The following ATP8B1 variants were observed in gnomAD, a reference collection of about 807,000 sequenced individuals.
The protein encoded by ATP8B1 is ATPase phospholipid transporting 8B1.
A neutral mutation model predicts 149.9 loss-of-function variants in ATP8B1; 80 were observed. The observed-to-expected ratio is 0.53, with a 90% CI of 0.45 to 0.64. The LOEUF (loss-of-function observed/expected upper bound fraction) is 0.64, where lower values mean the gene tolerates loss of function less well. ATP8B1 is among the 30% of genes least tolerant of loss of function. The probability of loss-of-function intolerance (pLI) is 0.00; values close to 1 mark genes in which losing one functional copy is unlikely to be tolerated. For missense variants in ATP8B1, 1,247 were observed against 1,552.6 expected (o/e 0.80, Z 3.31); for synonymous variants, 536 against 562.8 (o/e 0.95, Z 0.67).
At chr18:57,689,600 G>C (rs1266943999) in intron 12 of ATP8B1, among the ~76,000 whole-genome samples, 1 of 152,148 alleles carries the variant, frequency 6.6e-6, no homozygotes, top group Non-Finnish European at 1.5e-5. Context: ...ACCATTCTAG[G>C]TGCAGGGGAC....
intron 1 of ATP8B1, among the ~76,000 whole-genome samples, chr18:57,739,862 A>G (rs149574230): frequency 1.3e-5 from 2 of 152,180 alleles, no homozygotes; most frequent in Admixed American, 1.3e-4. Context: ...GAAGATATCA[A>G]AGGTGAGGAC....
chr18:57,780,654 T>C (rs73446930), intron 1 of ATP8B1, among the ~76,000 whole-genome samples: 4,448 of 152,302 alleles, frequency 0.029, 230 homozygotes, highest in African/African-American at 0.1. Flanking sequence ...AGAAATACAC[T>C]TGTTCAATCA....
intron 12 of ATP8B1, among the ~76,000 whole-genome samples, chr18:57,689,451 T>C (rs932892882): frequency 5.9e-5 from 9 of 152,184 alleles, no homozygotes; most frequent in Non-Finnish European, 1.0e-4. Context: ...ATCTCAGTTA[T>C]AAGGAAGCTG....
Position 57,652,802 on chromosome 18 carries a change from T to G in ATP8B1, c.3016-73A>C, listed in dbSNP as rs1306215453. On this transcript the variant is annotated intron_variant, in intron 24 of 27. Coordinates refer to ENST00000648908, the MANE Select transcript of ATP8B1 (RefSeq NM_001374385.1). ...AGTCAGAGATATGTTATAATTAATATCTCACAAAAAGTTGCAGCCTGCTGT... is the reference window on the plus strand; with the variant it reads ...AGTCAGAGATATGTTATAATTAATAGCTCACAAAAAGTTGCAGCCTGCTGT... 6.9e-6 allele frequency: 11 copies of G among 1,600,682 alleles called. No individual in the cohort carries two copies. The East Asian group carries it at 2.5e-4, about 36-fold the overall frequency.
rs116872525 is a variant in ATP8B1 at position 57,781,600 on chromosome 18, T to G, written c.-26+21398A>C. Among the ~76,000 whole-genome samples, 182 of 152,338 alleles carry G rather than the reference T, an allele frequency of 1.2e-3. 1 individual carries two copies. Among genetic ancestry groups the G allele is most frequent in the South Asian group, 2.1e-3 (10 of 4,832 alleles). On this transcript the variant is annotated intron_variant, in intron 1 of 27. Transcript: ENST00000648908. ...AATTGATCAGTTATTGAATGCCTACTAGGTTGTGGACTCCAGGGATGAAGA... is the reference window on the plus strand; with the variant it reads ...AATTGATCAGTTATTGAATGCCTACGAGGTTGTGGACTCCAGGGATGAAGA...
Position 57,706,549 on chromosome 18 carries a change from G to T in ATP8B1, c.220C>A (p.His74Asn). 7 of 1,614,018 alleles carry T rather than the reference G, an allele frequency of 4.3e-6. No individual in the cohort carries two copies. Among genetic ancestry groups the T allele is most frequent in the Non-Finnish European group, 5.9e-6 (7 of 1,179,980 alleles). ...GTGTTCATAAAGTGAGGTTGTTCGT[G>T]GTACTTGCGATCGTTTGCTTTGACT... Reference protein sequence around the residue: ...WQVKANDRKYHEQPHFMNTKF... With the variant: ...WQVKANDRKYNEQPHFMNTKF... The change falls in exon 3 of 28, where the codon CAC becomes AAC. Residue 74 changes from histidine to asparagine, a missense_variant. By Grantham distance (68) the His-to-Asn change is moderately conservative (BLOSUM62 1). This residue lies in a region of ATP8B1 where 853 missense variants were observed against 1,035.7 expected (regional missense o/e 0.82). Coordinates refer to ENST00000648908, the MANE Select transcript of ATP8B1 (RefSeq NM_001374385.1).
At position 57,648,414 on chromosome 18, in the gene ATP8B1, A is replaced by C; in HGVS notation, c.*74T>G. 6.6e-7 allele frequency: 1 copy of C among 1,507,696 alleles called. No individual in the cohort carries two copies. Among genetic ancestry groups the C allele is most frequent in the Non-Finnish European group, 9.2e-7 (1 of 1,087,262 alleles). 93.4% of individuals were successfully genotyped at this position (1,507,696 alleles called of 1,614,324 possible). A position where few individuals can be genotyped will look rare whatever the true frequency, so the allele number is the denominator to read the frequency against. On this transcript the variant is annotated 3_prime_UTR_variant, in exon 28 of 28. Transcript: ENST00000648908. ...TGTGATGAATGCAATTCACACACACACACAAAGTCCTGAGAGTCTTTCATA... is the reference window on the plus strand; with the variant it reads ...TGTGATGAATGCAATTCACACACACCCACAAAGTCCTGAGAGTCTTTCATA...
Position 57,732,179 on chromosome 18 carries a change from G to GTGTATATA in ATP8B1, c.-25-355_-25-348dup, listed in dbSNP as rs1568044064. Among the ~76,000 whole-genome samples, 80 of 44,832 alleles carry GTGTATATA rather than the reference G, an allele frequency of 1.8e-3. 16 individuals are homozygous for GTGTATATA. Among genetic ancestry groups the GTGTATATA allele is most frequent in the African/African-American group, 4.3e-3 (54 of 12,580 alleles). The allele number at this position is 44,832 out of a possible 152,430, so 29.4% of individuals were successfully genotyped here. A position where few individuals can be genotyped will look rare whatever the true frequency, so the allele number is the denominator to read the frequency against. ...TATATATATGTATATATGTATATAT[G>GTGTATATA]TGTATATATGTATATATGTGTATAT... is the stretch of plus-strand genomic sequence containing the variant. On this transcript the variant is annotated intron_variant, in intron 1 of 27. Coordinates refer to ENST00000648908, the MANE Select transcript of ATP8B1 (RefSeq NM_001374385.1).
Position 57,652,665 on chromosome 18 carries a change from A to G in ATP8B1, c.3080T>C (p.Leu1027Pro). Reference sequence around the variant, plus strand: ...TACAAAGAATCTCTTATAGTTGAATAGTAAGTCTCTTTGTCCCACTATGTA... The same window carrying G: ...TACAAAGAATCTCTTATAGTTGAATGGTAAGTCTCTTTGTCCCACTATGTA... ...GLYIVGQRDL[L>P]FNYKRFFVSL... is the part of the protein sequence containing the mutation. Residue 1027 changes from leucine (L) to proline (P), a missense_variant, in exon 25 of 28, where the codon CTA becomes CCA. By Grantham distance (98) the Leu-to-Pro change is moderately conservative. Transcript: ENST00000648908. 6.2e-7 allele frequency: 1 copy of G among 1,614,160 alleles called. No individual in the cohort carries two copies. The highest frequency in any genetic ancestry group is 8.5e-7 in the Non-Finnish European group (1 of 1,179,984).
chr18:57,676,982 G>T (rs1384063006), intron 15 of ATP8B1, among the ~76,000 whole-genome samples: 1 of 152,118 alleles, frequency 6.6e-6, no homozygotes, highest in Admixed American at 6.6e-5. Flanking sequence ...CTGCACTCCA[G>T]CCTGGCTGAC....
At chr18:57,733,929 G>A (rs1255156628) in intron 1 of ATP8B1, 3 of 151,918 alleles carry the variant, frequency 2.0e-5, no homozygotes, top group African/African-American at 7.3e-5. Context: ...TTTATATGAG[G>A]ATTTTTACCA....
At chr18:57,720,910 C>T (rs973894611) in intron 2 of ATP8B1, among the ~76,000 whole-genome samples, 2 of 150,696 alleles carry the variant, frequency 1.3e-5, no homozygotes, top group Non-Finnish European at 3.0e-5. Flanking sequence ...GGCAGAAACC[C>T]TACAAGCCAG....
chr18:57,660,305 G>T (rs1397021508), intron 22 of ATP8B1, among the ~76,000 whole-genome samples: 1 of 152,144 alleles, frequency 6.6e-6, no homozygotes, highest in Non-Finnish European at 1.5e-5. Context: ...GGAGGATGAT[G>T]AGAGCACGTG....
intron 1 of ATP8B1, among the ~76,000 whole-genome samples, chr18:57,754,647 A>C (rs1407200856): frequency 6.6e-6 from 1 of 152,158 alleles, no homozygotes; most frequent in East Asian, 1.9e-4. Context: ...GAGATAATTA[A>C]ATACTAGGAG....
At chr18:57,701,420 TCA>T in intron 4 of ATP8B1, 107 bp from the exon 5 acceptor site, 1 of 953,290 alleles carries the variant, frequency 1.0e-6, no homozygotes, top group East Asian at 2.5e-5. Flanking sequence ...ATCACCGTCA[TCA>T]CATAAGTCTA....
intron 2 of ATP8B1, among the ~76,000 whole-genome samples, chr18:57,720,009 A>G: frequency 6.6e-6 from 1 of 152,020 alleles, no homozygotes; most frequent in Admixed American, 6.6e-5. Context: ...ACGGCAGGGT[A>G]TTCCAACAGA....
chr18:57,778,319 A>G (rs897214638), intron 1 of ATP8B1, among the ~76,000 whole-genome samples: 2 of 144,838 alleles, frequency 1.4e-5, no homozygotes, highest in Non-Finnish European at 3.0e-5. Context: ...TCCGCCTTCC[A>G]GGTTCACGCC....
Position 57,701,276 on chromosome 18 carries a change from G to T in ATP8B1, c.431C>A (p.Thr144Lys). Reference sequence around the variant, plus strand: ...CAGCACCACAAGCAGGGGCACTAGTGTGGTGTACCAAGCCAGGGTAGAGAT... The same window carrying T: ...CAGCACCACAAGCAGGGGCACTAGTTTGGTGTACCAAGCCAGGGTAGAGAT... ...PQISTLAWYT[T>K]LVPLLVVLGV... Residue 144 changes from threonine (T) to lysine (K), a missense_variant, in exon 5 of 28, where the codon ACA becomes AAA. Coordinates refer to ENST00000648908, the MANE Select transcript of ATP8B1 (RefSeq NM_001374385.1). 6.2e-7 allele frequency: 1 copy of T among 1,614,176 alleles called. No individual in the cohort carries two copies. The highest frequency in any genetic ancestry group is 8.5e-7 in the Non-Finnish European group (1 of 1,180,014).
At chr18:57,654,619 C>G (rs1909862123) in intron 23 of ATP8B1, among the ~76,000 whole-genome samples, 1 of 149,856 alleles carries the variant, frequency 6.7e-6, no homozygotes, top group African/African-American at 2.5e-5. Context: ...GCACCCAGCC[C>G]TGTTATCGCT....
Sources: gnomAD v4.1 joint callset for allele counts (sites outside exome capture counted in the v4.1 genomes callset) on GRCh38, gnomAD v4.1.1 for gene constraint, gnomAD v4.1.1 regional missense constraint, MANE v1.5 for transcripts, NCBI Gene and HGNC (gene_info 2026-07-23, HGNC 2026-07-21) for gene names.